Variants in TRPM4 observed in about 807,000 individuals in gnomAD.
TRPM4 encodes transient receptor potential cation channel subfamily M member 4, also known as calcium-activated non-selective cation channel 1.
In TRPM4, 124 loss-of-function variants were observed where a neutral mutation model predicts 135.6. That is an observed-to-expected ratio of 0.91 (90% CI 0.79 to 1.06). TRPM4 has a LOEUF of 1.06. Among genes scored for constraint, TRPM4 ranks in the 50% least tolerant of loss-of-function variants. The probability of loss-of-function intolerance (pLI) is 0.00; values close to 1 mark genes in which losing one functional copy is unlikely to be tolerated. For synonymous variants in TRPM4, 745 were observed against 705.6 expected, an observed-to-expected ratio of 1.06 and a Z score of -0.88; for missense variants, 1,658 against 1,671.4, an observed-to-expected ratio of 0.99 and a Z score of 0.14.
In TRPM4 at chr19:49,211,226, GC is replaced by G; in HGVS notation, c.3602del (p.Pro1201GlnfsTer32). 1 of 1,595,236 alleles carries G rather than the reference GC, an allele frequency of 6.3e-7. No individual in the cohort carries two copies. The highest frequency in any genetic ancestry group is 8.5e-7 in the Non-Finnish European group (1 of 1,171,596). Reference protein sequence around the residue: ...AEALSRSALLPPGGPPPPDLP... With the variant: ...AEALSRSALLXPGGPPPPDLP... ...AGGCCCTGAGCCGCTCTGCCTTGCTGCCCCCAGGTGGGCCGCCACCCCCTGA... is the reference window on the plus strand; with the variant it reads ...AGGCCCTGAGCCGCTCTGCCTTGCTGCCCCAGGTGGGCCGCCACCCCCTGA... On this transcript the variant is annotated frameshift_variant, in exon 24 of 25. Coordinates refer to ENST00000252826, the MANE Select transcript of TRPM4 (RefSeq NM_017636.4). LOFTEE classifies it high-confidence loss of function. The surrounding 1 kb of genome is among the most constrained non-coding windows in gnomAD (Gnocchi z 4.8).
In TRPM4 at chr19:49,188,686, C is replaced by T. The variant is rs746817557; in HGVS notation, c.1789C>T (p.Arg597Trp). The T allele has an allele frequency of 8.1e-6, 13 of 1,614,044 alleles. No individual in the cohort carries two copies. Among genetic ancestry groups the T allele is most frequent in the South Asian group, 1.1e-5 (1 of 91,088 alleles). The change falls in exon 13 of 25, where the codon CGG becomes TGG. Residue 597 changes from arginine (R) to tryptophan (W), a missense_variant. By Grantham distance (101) the Arg-to-Trp change is moderately radical. Transcript: ENST00000252826. ...AGCTCTTGGGGCCTGTTTGCTGCTC[C>T]GGGTGATGGCACGCCTGGAGCCTGA... ...SSALGACLLL[R>W]VMARLEPDAE...
Position 49,183,181 on chromosome 19 carries a change from G to A in TRPM4, c.1712G>A (p.Arg571Lys), listed in dbSNP as rs1223158859. ...DLLLWALLLN[R>K]AQMAMYFWEM... ...CTTCTTTGGGCACTGTTGCTGAACA[G>A]GGCACAGATGGCCATGTACTTCTGG... The change falls in exon 12 of 25, where the codon AGG becomes AAG. Residue 571 changes from arginine to lysine, a missense_variant. Transcript: ENST00000252826. The A allele has an allele frequency of 6.2e-7, 1 of 1,614,152 alleles. No homozygotes were observed. The highest frequency in any genetic ancestry group is 8.5e-7 in the Non-Finnish European group (1 of 1,180,036).
chr19:49,210,982 G>T lies in TRPM4; in HGVS notation c.3462-33G>T, dbSNP rs1969341562. 1.9e-6 allele frequency: 3 copies of T among 1,610,772 alleles called. No individual in the cohort carries two copies. The highest frequency in any genetic ancestry group is 4.5e-5 in the East Asian group (2 of 44,766). On this transcript the variant is annotated intron_variant, in intron 22 of 24. Transcript: ENST00000252826. The surrounding 1 kb of genome is among the most constrained non-coding windows in gnomAD (Gnocchi z 4.1). ...AGAGCCCTGGGGGTGGGTGGGCTGC[G>T]GGTGCCCCCGGTAAGAGGCCCTCCC...
At chr19:49,188,291 T>C (rs942526349) in intron 12 of TRPM4, among the ~76,000 whole-genome samples, 1 of 152,160 alleles carries the variant, frequency 6.6e-6, no homozygotes, top group African/African-American at 2.4e-5. Flanking sequence ...TTCTCAGTTA[T>C]CATTTTTGCA....
At chr19:49,165,991 C>G in intron 2 of TRPM4, 50 bp from the exon 3 acceptor site, 1 of 1,539,530 alleles carries the variant, frequency 6.5e-7, no homozygotes, top group African/African-American at 1.4e-5. Flanking sequence ...TGACAGGGTG[C>G]TGGGGTCGGG....
intron 9 of TRPM4, among the ~76,000 whole-genome samples, chr19:49,178,721 C>T (rs8100850): frequency 0.34 from 51,718 of 151,208 alleles, 9,233 homozygotes; most frequent in African/African-American, 0.44. Context: ...CAGATTAAGG[C>T]GGAATATAAA....
chr19:49,174,148 G>C (rs1967581550), intron 9 of TRPM4, among the ~76,000 whole-genome samples: 3 of 151,848 alleles, frequency 2.0e-5, no homozygotes, highest in Non-Finnish European at 2.9e-5. Flanking sequence ...GAAAAGTTGT[G>C]TGTGTGTGTG....
intron 20 of TRPM4, among the ~76,000 whole-genome samples, chr19:49,209,262 G>A (rs537369454): frequency 8.4e-4 from 128 of 152,176 alleles, no homozygotes; most frequent in Non-Finnish European, 1.6e-3. Context: ...TTGGTATTAC[G>A]GTAATGCTGG....
At chr19:49,187,629 G>A (rs1348835072) in intron 12 of TRPM4, among the ~76,000 whole-genome samples, 3 of 152,128 alleles carry the variant, frequency 2.0e-5, no homozygotes, top group Non-Finnish European at 2.9e-5. Context: ...CACGTTGCCC[G>A]CTGCCTAGAC....
At chr19:49,202,992 G>A (rs532071233) in intron 20 of TRPM4, among the ~76,000 whole-genome samples, 2 of 145,342 alleles carry the variant, frequency 1.4e-5, no homozygotes, top group East Asian at 4.2e-4. Context: ...CCGGGTTCAC[G>A]CCATTCTCCT....
In TRPM4 at chr19:49,171,218, A is replaced by G. The variant is rs1967439468; in HGVS notation, c.797-139A>G. On this transcript the variant is annotated intron_variant, in intron 6 of 24. Transcript: ENST00000252826. This position sits in a 1 kb window ranked among gnomAD's most constrained non-coding sequence, Gnocchi z 4.7. ...TAAATACATAATTAAGTAAAAAAAG[A>G]AATGACAATTCCAATGAGCCTCTGA... 1 of 925,756 alleles carries G rather than the reference A, an allele frequency of 1.1e-6. No homozygotes were observed. Among genetic ancestry groups the G allele is most frequent in the Non-Finnish European group, 1.7e-6 (1 of 579,330 alleles). 57.3% of individuals were successfully genotyped at this position (925,756 alleles called of 1,614,324 possible). A position where few individuals can be genotyped will look rare whatever the true frequency, so the allele number is the denominator to read the frequency against.
intron 2 of TRPM4, chr19:49,158,614 TCATTCATCCATC>T (rs2041566911): frequency 3.6e-6 from 1 of 276,974 alleles, no homozygotes; most frequent in Admixed American, 5.0e-5. Flanking sequence ...ATTCATTCAT[TCATTCATCCATC>T]CATGCAAGAA....
In TRPM4 at chr19:49,157,864, A is replaced by T. The variant is rs902785132; in HGVS notation, c.-3A>T. On this transcript the variant is annotated 5_prime_UTR_variant, in exon 1 of 25. Coordinates refer to ENST00000252826, the MANE Select transcript of TRPM4 (RefSeq NM_017636.4). ...TGCAGGAGGTTGCGGCGGCCGCGGC[A>T]GCATGGTGGTGCCGGAGAAGGAGCA... The T allele has an allele frequency of 1.8e-5, 27 of 1,534,512 alleles. No individual in the cohort carries two copies. Among genetic ancestry groups the T allele is most frequent in the African/African-American group, 4.1e-5 (3 of 72,978 alleles).
At chr19:49,176,216 G>A (rs375274713) in intron 9 of TRPM4, among the ~76,000 whole-genome samples, 3 of 151,816 alleles carry the variant, frequency 2.0e-5, no homozygotes, top group East Asian at 1.9e-4. Flanking sequence ...GAGCCACCGC[G>A]CCCGGCCTTA....
chr19:49,195,074 CT>C (rs1198495532), intron 16 of TRPM4, among the ~76,000 whole-genome samples: 2 of 149,740 alleles, frequency 1.3e-5, no homozygotes, highest in East Asian at 1.9e-4. Context: ...ACTTTTTTTT[CT>C]TTTTTTTTAA....
chr19:49,182,480 C>G (rs1278332106), intron 10 of TRPM4, 98 bp from the exon 11 acceptor site: 13 of 881,706 alleles, frequency 1.5e-5, no homozygotes, highest in Middle Eastern at 2.1e-4. Context: ...ATCCATCCAT[C>G]CATCCATCCA....
intron 20 of TRPM4, 75 bp downstream of exon 20, chr19:49,202,216 C>G: frequency 6.6e-7 from 1 of 1,520,120 alleles, no homozygotes; most frequent in South Asian, 1.1e-5. Flanking sequence ...TGAACCCCGT[C>G]TAATGAATTC....
intron 13 of TRPM4, 70 bp downstream of exon 13, chr19:49,188,840 T>TCCTCACATATC: frequency 6.2e-7 from 1 of 1,612,594 alleles, no homozygotes; most frequent in South Asian, 1.1e-5. Context: ...AACTCCGCAC[T>TCCTCACATATC]CCTCACATAT....
rs773399498 is a variant in TRPM4 at position 49,181,459 on chromosome 19, C to T, written c.1261C>T (p.Arg421Trp). The T allele has an allele frequency of 2.5e-5, 40 of 1,573,540 alleles. No homozygotes were observed. The highest frequency in any genetic ancestry group is 1.7e-4 in the Middle Eastern group (1 of 5,856). Residue 421 changes from arginine to tryptophan, a missense_variant and splice_region_variant, in exon 10 of 25, where the codon CGG becomes TGG. Around this residue, in one of 3 missense-constraint regions of TRPM4, gnomAD observed 1,412 missense variants for 1,408.7 expected, o/e 1.00. Transcript: ENST00000252826. ...SELFRGDIQW[R>W]SFHLEASLMD... The stretch of plus-strand genomic sequence containing the variant: ...ACTCTTTCGGGGGGACATCCAATGG[C>T]GGGTGAGGGGTCAGGGCCTGGGGGT...
Sources: gnomAD v4.1 joint callset for allele counts (sites outside exome capture counted in the v4.1 genomes callset) on GRCh38, gnomAD v4.1.1 for gene constraint, gnomAD v4.1.1 regional missense constraint, Gnocchi (gnomAD v3.1) non-coding constraint, MANE v1.5 for transcripts, NCBI Gene and HGNC (gene_info 2026-07-23, HGNC 2026-07-21) for gene names.